Variants in NXPH1 observed in about 807,000 individuals in gnomAD.
The protein encoded by NXPH1 is neurexophilin-1.
In NXPH1, 5 loss-of-function variants were observed where a neutral mutation model predicts 23.7. The ratio of observed to expected loss-of-function variants is 0.21; its 90% CI spans 0.11 to 0.44. NXPH1 has a LOEUF of 0.44. NXPH1 is among the 20% of genes least tolerant of loss of function. The pLI is 0.99. For missense variants in NXPH1, 324 were observed against 321.6 expected (o/e 1.01, Z -0.06); for synonymous variants, 144 against 122.2 (o/e 1.18, Z -1.18).
intron 2 of NXPH1, among the ~76,000 whole-genome samples, chr7:8,628,821 C>T (rs1174394149): frequency 5.3e-5 from 8 of 151,724 alleles, no homozygotes; most frequent in Non-Finnish European, 1.0e-4. Flanking sequence ...TTTGAACAGA[C>T]GGTGGTGCAG....
chr7:8,587,109 T>C (rs1584251550), intron 2 of NXPH1, among the ~76,000 whole-genome samples: 2 of 152,280 alleles, frequency 1.3e-5, no homozygotes, highest in East Asian at 3.9e-4. Flanking sequence ...TGTCAGAGAA[T>C]TCAAAATGAC....
At chr7:8,679,447 TG>T (rs1562452351) in intron 2 of NXPH1, among the ~76,000 whole-genome samples, 1 of 152,178 alleles carries the variant, frequency 6.6e-6, no homozygotes, top group Non-Finnish European at 1.5e-5. Flanking sequence ...ATGGCCAGGA[TG>T]TTTTTTAATT....
intron 2 of NXPH1, among the ~76,000 whole-genome samples, chr7:8,489,121 G>T (rs1817207503): frequency 6.6e-6 from 1 of 152,044 alleles, no homozygotes; most frequent in African/African-American, 2.4e-5. Context: ...TCATGTGATT[G>T]GCTGTTTCGT....
chr7:8,475,071 G>T (rs115940695), intron 2 of NXPH1, among the ~76,000 whole-genome samples: 88 of 152,164 alleles, frequency 5.8e-4, no homozygotes, highest in African/African-American at 2.1e-3. Flanking sequence ...CTGACTGGGG[G>T]GTGGGAAGAG....
intron 2 of NXPH1, among the ~76,000 whole-genome samples, chr7:8,561,158 A>G (rs1013648394): frequency 9.2e-5 from 14 of 151,762 alleles, no homozygotes; most frequent in African/African-American, 3.4e-4. Context: ...GGGCTCTGAT[A>G]CTTGTAACTC....
chr7:8,719,126 T>C (rs1779924433), intron 2 of NXPH1, among the ~76,000 whole-genome samples: 1 of 152,240 alleles, frequency 6.6e-6, no homozygotes. Context: ...TGGTCCCCTT[T>C]ATAGTCTCTT....
At chr7:8,645,135 C>G (rs986277479) in intron 2 of NXPH1, among the ~76,000 whole-genome samples, 5 of 152,082 alleles carry the variant, frequency 3.3e-5, no homozygotes, top group Non-Finnish European at 5.9e-5. Context: ...TACTATGATT[C>G]TTTTACTTTT....
chr7:8,502,061 G>A (rs1817446108), intron 2 of NXPH1, among the ~76,000 whole-genome samples: 2 of 151,984 alleles, frequency 1.3e-5, no homozygotes, highest in Admixed American at 1.3e-4. Flanking sequence ...CTGAGAGCTG[G>A]GAGATCTGAG....
intron 2 of NXPH1, among the ~76,000 whole-genome samples, chr7:8,670,318 GAA>G (rs1214428268): frequency 1.3e-5 from 2 of 152,098 alleles, no homozygotes; most frequent in Non-Finnish European, 2.9e-5. Flanking sequence ...TTTTAGTGTT[GAA>G]ATCTCTCACA....
intron 2 of NXPH1, among the ~76,000 whole-genome samples, chr7:8,571,903 G>A (rs996837149): frequency 6.6e-6 from 1 of 151,304 alleles, no homozygotes; most frequent in Non-Finnish European, 1.5e-5. Context: ...AAAACACTTG[G>A]TTTGGAAGGA....
chr7:8,472,343 A>G (rs1220295558), intron 2 of NXPH1, among the ~76,000 whole-genome samples: 1 of 152,184 alleles, frequency 6.6e-6, no homozygotes, highest in African/African-American at 2.4e-5. Context: ...GAGTGAACAC[A>G]TTCTTCAAAG....
At position 8,752,937 on chromosome 7, in the gene NXPH1, TA is replaced by T. The variant is rs1780590765; in HGVS notation, c.*1172del. ...GGAAAAAATGAAATGTACATAAAAA[TA>T]AAACACTTAAAGTTGAGTTTCAATA... On this transcript the variant is annotated 3_prime_UTR_variant, in exon 3 of 3. Transcript: ENST00000405863. 1 of 152,536 alleles carries T rather than the reference TA, an allele frequency of 6.6e-6. No homozygotes were observed. Among genetic ancestry groups the T allele is most frequent in the African/African-American group, 2.4e-5 (1 of 41,440 alleles). 9.4% of individuals were successfully genotyped at this position (152,536 alleles called of 1,614,324 possible).
At chr7:8,509,958 A>G (rs1202871931) in intron 2 of NXPH1, among the ~76,000 whole-genome samples, 1 of 152,180 alleles carries the variant, frequency 6.6e-6, no homozygotes, top group Non-Finnish European at 1.5e-5. Flanking sequence ...AAAGTGAGTG[A>G]AAAATCCTGT....
intron 2 of NXPH1, among the ~76,000 whole-genome samples, chr7:8,731,310 T>A (rs1462752289): frequency 6.6e-6 from 1 of 152,180 alleles, no homozygotes; most frequent in Non-Finnish European, 1.5e-5. Flanking sequence ...CTCAGAGTAA[T>A]TTGATCGTCT....
At chr7:8,624,532 G>A (rs1313768151) in intron 2 of NXPH1, among the ~76,000 whole-genome samples, 2 of 152,060 alleles carry the variant, frequency 1.3e-5, no homozygotes, top group Non-Finnish European at 2.9e-5. Context: ...AGTGAGGAGA[G>A]CAAAGCAGAC....
At chr7:8,631,408 A>G (rs928798652) in intron 2 of NXPH1, among the ~76,000 whole-genome samples, 2 of 152,230 alleles carry the variant, frequency 1.3e-5, no homozygotes, top group African/African-American at 4.8e-5. Flanking sequence ...ATGGCAACAA[A>G]ATCAAAAATT....
chr7:8,561,486 A>T (rs958867091), intron 2 of NXPH1, among the ~76,000 whole-genome samples: 51 of 151,476 alleles, frequency 3.4e-4, no homozygotes, highest in African/African-American at 1.2e-3. Context: ...AGTACATTTT[A>T]TTTTCAACTC....
At position 8,555,827 on chromosome 7, in the gene NXPH1, T is replaced by C. The variant is rs1262353558; in HGVS notation, c.54+120060T>C. 2.0e-5 allele frequency among the ~76,000 whole-genome samples: 3 copies of C among 151,718 alleles called. No individual in the cohort carries two copies. In the East Asian group the frequency reaches 5.9e-4, roughly 30 times the overall value. On this transcript the variant is annotated intron_variant, in intron 2 of 2. Transcript: ENST00000405863. ...CTGTGTGTCTACTTTATATTTTTTATCTTAAAAAATCTGGCTTACATCTAA... is the reference window on the plus strand; with the variant it reads ...CTGTGTGTCTACTTTATATTTTTTACCTTAAAAAATCTGGCTTACATCTAA...
chr7:8,630,616 G>A (rs1820106103), intron 2 of NXPH1, among the ~76,000 whole-genome samples: 2 of 152,140 alleles, frequency 1.3e-5, no homozygotes, highest in African/African-American at 4.8e-5. Context: ...AAAGAAACAT[G>A]CCCAATGTAA....
Sources: gnomAD v4.1 joint callset for allele counts (sites outside exome capture counted in the v4.1 genomes callset) on GRCh38, gnomAD v4.1.1 for gene constraint, MANE v1.5 for transcripts, NCBI Gene and HGNC (gene_info 2026-07-23, HGNC 2026-07-21) for gene names.